The following ORC3 variants were observed in gnomAD, a reference collection of about 807,000 sequenced individuals.
ORC3 encodes homolog of latheo, Drosophila.
A neutral mutation model predicts 100.7 loss-of-function variants in ORC3; 78 were observed. That is an observed-to-expected ratio of 0.77 (90% confidence interval 0.65 to 0.94). The LOEUF (loss-of-function observed/expected upper bound fraction) is 0.94, where lower values mean the gene tolerates loss of function less well. Among genes scored for constraint, ORC3 ranks in the 40% least tolerant of loss-of-function variants. ORC3 has a pLI of 0.00. For missense variants in ORC3, 789 were observed against 823.9 expected (o/e 0.96, Z 0.52); for synonymous variants, 295 against 289.3 (o/e 1.02, Z -0.20).
At chr6:87,666,137 GTTTGT>G (rs1040683854) in intron 19 of ORC3, among the ~76,000 whole-genome samples, 3 of 152,028 alleles carry the variant, frequency 2.0e-5, no homozygotes, top group Non-Finnish European at 4.4e-5. Flanking sequence ...TTTTTTGTTT[GTTTGT>G]TTGTTTTTGA....
At chr6:87,627,890 C>A (rs1324069136) in intron 11 of ORC3, among the ~76,000 whole-genome samples, 2 of 152,186 alleles carry the variant, frequency 1.3e-5, no homozygotes, top group Admixed American at 1.3e-4. Context: ...CCCATCACCT[C>A]ATTTTCTTAA....
In ORC3 at chr6:87,667,403, GAACTTA is replaced by G. The variant is rs1161271794; in HGVS notation, c.*281_*286del. 6.8e-6 allele frequency: 2 copies of G among 292,474 alleles called. No homozygotes were observed. The highest frequency in any genetic ancestry group is 2.2e-5 in the African/African-American group (1 of 46,058). The allele number at this position is 292,474 out of a possible 1,614,324, so 18.1% of individuals were successfully genotyped here. A position where few individuals can be genotyped will look rare whatever the true frequency, so the allele number is the denominator to read the frequency against. Reference sequence around the variant, plus strand: ...ACTAAATTGTGAGTAAATCATTCTTGAACTTAGAGTATGTAAATGTAATAAATTCCG... The same window carrying G: ...ACTAAATTGTGAGTAAATCATTCTTGGAGTATGTAAATGTAATAAATTCCG... On this transcript the variant is annotated 3_prime_UTR_variant, in exon 20 of 20. Transcript: ENST00000392844.
intron 8 of ORC3, among the ~76,000 whole-genome samples, chr6:87,615,306 A>G (rs896339560): frequency 5.3e-5 from 8 of 152,156 alleles, no homozygotes; most frequent in Non-Finnish European, 1.0e-4. Flanking sequence ...GCACTTGGGA[A>G]TTCAAGATGG....
intron 13 of ORC3, among the ~76,000 whole-genome samples, chr6:87,643,666 A>C (rs1186888307): frequency 6.6e-6 from 1 of 152,200 alleles, no homozygotes; most frequent in Non-Finnish European, 1.5e-5. Context: ...CTGTTAGCAA[A>C]ATGAACAGAT....
chr6:87,632,636 G>A (rs2128276414), intron 11 of ORC3, among the ~76,000 whole-genome samples: 1 of 152,262 alleles, frequency 6.6e-6, no homozygotes, highest in Non-Finnish European at 1.5e-5. Context: ...GCTGAGGTGG[G>A]TGGATCACTT....
At chr6:87,613,929 T>C (rs1375509544) in intron 8 of ORC3, among the ~76,000 whole-genome samples, 2 of 152,182 alleles carry the variant, frequency 1.3e-5, no homozygotes, top group African/African-American at 2.4e-5. Context: ...CGGTGCAAGC[T>C]GTTGGTGGAT....
At chr6:87,659,030 G>C (rs1769957754) in intron 16 of ORC3, among the ~76,000 whole-genome samples, 1 of 126,466 alleles carries the variant, frequency 7.9e-6, no homozygotes, top group African/African-American at 3.1e-5. Context: ...GGCGGGGGGG[G>C]GAGAACCTGT....
chr6:87,647,905 A>T (rs1202033249), intron 13 of ORC3, among the ~76,000 whole-genome samples: 1 of 152,192 alleles, frequency 6.6e-6, no homozygotes, highest in Admixed American at 6.5e-5. Flanking sequence ...GGTTTGGTTT[A>T]TCCAAAGTGC....
chr6:87,627,422 C>T lies in ORC3; in HGVS notation c.1185+5409C>T, dbSNP rs576984320. ...GCCATTCTCCTGCCTCAGCCTCCCT[C>T]GTAGCTGGGATTAGAGGCATGGGTC... On this transcript the variant is annotated intron_variant, in intron 11 of 19. Transcript: ENST00000392844. Among the ~76,000 whole-genome samples, 17 of 149,688 alleles carry T rather than the reference C, an allele frequency of 1.1e-4. No homozygotes were observed. The South Asian group carries it at 2.1e-3, about 19-fold the overall frequency.
chr6:87,651,123 T>C, intron 13 of ORC3: 1 of 455,572 alleles, frequency 2.2e-6, no homozygotes, highest in Non-Finnish European at 4.4e-6. Context: ...GAAGTTTGCT[T>C]CCAAAGTTAT....
At chr6:87,613,667 C>A (rs1778946369) in intron 8 of ORC3, among the ~76,000 whole-genome samples, 1 of 152,148 alleles carries the variant, frequency 6.6e-6, no homozygotes, top group African/African-American at 2.4e-5. Context: ...TACAGCCATT[C>A]CAAATGGGAG....
intron 12 of ORC3, 137 bp downstream of exon 12, chr6:87,635,098 C>G: frequency 1.4e-6 from 1 of 728,160 alleles, no homozygotes. Flanking sequence ...AAATCCATTC[C>G]AGCTGTAAAC....
At chr6:87,605,643 C>A (rs747132482) in intron 4 of ORC3, among the ~76,000 whole-genome samples, 3 of 149,078 alleles carry the variant, frequency 2.0e-5, no homozygotes, top group Non-Finnish European at 4.4e-5. Flanking sequence ...GAGCGAGATT[C>A]TGTCTCAAAA....
chr6:87,631,540 T>C (rs1224705264), intron 11 of ORC3, among the ~76,000 whole-genome samples: 1 of 152,180 alleles, frequency 6.6e-6, no homozygotes, highest in East Asian at 1.9e-4. Context: ...TCACCCAGGC[T>C]GGACTGCAAC....
At chr6:87,640,121 G>A (rs2128281115) in intron 13 of ORC3, among the ~76,000 whole-genome samples, 1 of 132,130 alleles carries the variant, frequency 7.6e-6, no homozygotes, top group South Asian at 2.5e-4. Context: ...ATCTTGTAAA[G>A]GGAATGTGTC....
At chr6:87,613,483 A>G (rs977655953) in intron 8 of ORC3, among the ~76,000 whole-genome samples, 1 of 152,084 alleles carries the variant, frequency 6.6e-6, no homozygotes, top group African/African-American at 2.4e-5. Context: ...TTCAAAACCA[A>G]TCATGCCTTC....
intron 3 of ORC3, among the ~76,000 whole-genome samples, chr6:87,602,972 C>CACATATATTTTATATATAT (rs1398124278): frequency 1.6e-5 from 1 of 62,876 alleles, no homozygotes; most frequent in African/African-American, 5.4e-5. Flanking sequence ...TATATATATA[C>CACATATATTTTATATATAT]ATATATATAT....
chr6:87,603,315 T>C, intron 3 of ORC3, 69 bp from the exon 4 acceptor site: 1 of 845,502 alleles, frequency 1.2e-6, no homozygotes, highest in African/African-American at 1.7e-5. Context: ...GACAATTTTC[T>C]TTCCACAACC....
At chr6:87,624,854 C>A (rs553599724) in intron 11 of ORC3, among the ~76,000 whole-genome samples, 1 of 152,130 alleles carries the variant, frequency 6.6e-6, no homozygotes, top group Admixed American at 6.5e-5. Flanking sequence ...GCACCCCCAC[C>A]CACCAACAGG....
Sources: allele counts gnomAD v4.1 joint callset (sites outside exome capture counted in the v4.1 genomes callset), GRCh38; gene constraint gnomAD v4.1.1; transcripts MANE v1.5; gene names NCBI Gene and HGNC (gene_info 2026-07-23, HGNC 2026-07-21).